The following MAP7 variants were observed in gnomAD, a reference collection of about 807,000 sequenced individuals.
The protein encoded by MAP7 is microtubule associated protein 7.
MAP7 carries 52 observed loss-of-function variants against 94.8 expected under a neutral mutation model. That is an observed-to-expected ratio of 0.55 (90% CI 0.44 to 0.69). MAP7 has a LOEUF of 0.69. Ranked by LOEUF, MAP7 falls within the 30% of genes least tolerant of loss-of-function variation. MAP7 has a pLI of 0.00. For synonymous variants in MAP7, 350 were observed against 357.0 expected (o/e 0.98, Z 0.22); for missense variants, 940 against 964.6 (o/e 0.97, Z 0.34).
At chr6:136,356,840 T>G in intron 15 of MAP7, 46 bp from the exon 16 acceptor site, 2 of 1,473,264 alleles carry the variant, frequency 1.4e-6, no homozygotes, top group East Asian at 2.3e-5. Flanking sequence ...TAATATTCTT[T>G]TCTTAGACCT....
At chr6:136,477,046 G>T (rs977532176) in intron 1 of MAP7, among the ~76,000 whole-genome samples, 3 of 152,186 alleles carry the variant, frequency 2.0e-5, no homozygotes, top group African/African-American at 7.2e-5. Flanking sequence ...AGAAAGAAGA[G>T]AATATTTACA....
intron 1 of MAP7, among the ~76,000 whole-genome samples, chr6:136,528,359 G>T (rs562214600): frequency 2.0e-5 from 3 of 152,144 alleles, no homozygotes; most frequent in African/African-American, 7.2e-5. Context: ...TCTTGAATGA[G>T]ACATGATTTG....
chr6:136,360,720 GCT>G lies in MAP7; in HGVS notation c.1778_1779del (p.Glu593AlafsTer11). 2 of 1,614,138 alleles carry G rather than the reference GCT, an allele frequency of 1.2e-6. No individual in the cohort carries two copies. Among genetic ancestry groups the G allele is most frequent in the Non-Finnish European group, 1.7e-6 (2 of 1,180,016 alleles). On this transcript the variant is annotated frameshift_variant, in exon 13 of 18. Coordinates refer to ENST00000354570, the MANE Select transcript of MAP7 (RefSeq NM_003980.6). LOFTEE classifies it high-confidence loss of function. ...QEREKHFQRE[E>X]QERLERKKRL... ...ACCTTCTTTCTCTCCAGGCGCTCTT[GCT>G]CTTCTCTCTGGAAATGCTTCTCTCG...
chr6:136,546,393 G>T, intron 1 of MAP7, among the ~76,000 whole-genome samples: 2 of 145,524 alleles, frequency 1.4e-5, no homozygotes, highest in African/African-American at 5.2e-5. Flanking sequence ...CTCAGCCTCT[G>T]GTAACCATGC....
intron 1 of MAP7, among the ~76,000 whole-genome samples, chr6:136,452,869 A>G (rs1006237227): frequency 2.0e-5 from 3 of 152,142 alleles, no homozygotes; most frequent in Non-Finnish European, 4.4e-5. Context: ...TGTAATGAAA[A>G]TATGTATGTT....
chr6:136,461,267 C>T (rs1307897234), intron 1 of MAP7, among the ~76,000 whole-genome samples: 2 of 152,212 alleles, frequency 1.3e-5, no homozygotes, highest in African/African-American at 4.8e-5. Flanking sequence ...AAACAAAAAT[C>T]CTGAATGACA....
Position 136,492,709 on chromosome 6 carries a change from C to T in MAP7, c.67+57633G>A, listed in dbSNP as rs139573975. ...GAAAAGTAATGAAAATAAAATTATGCATCTTAACTTAGCTAGATGAACCCA... is the reference window on the plus strand; with the variant it reads ...GAAAAGTAATGAAAATAAAATTATGTATCTTAACTTAGCTAGATGAACCCA... On this transcript the variant is annotated intron_variant, in intron 1 of 17. Coordinates refer to ENST00000354570, the MANE Select transcript of MAP7 (RefSeq NM_003980.6). 9.2e-5 allele frequency among the ~76,000 whole-genome samples: 14 copies of T among 152,190 alleles called. No homozygotes were observed. In the East Asian group the frequency reaches 2.3e-3, roughly 25 times the overall value.
At chr6:136,443,550 A>G (rs1287521273) in intron 1 of MAP7, among the ~76,000 whole-genome samples, 1 of 149,554 alleles carries the variant, frequency 6.7e-6, no homozygotes, top group Non-Finnish European at 1.5e-5. Context: ...TCCCGGATTC[A>G]AGCGATTCTT....
chr6:136,444,313 A>G (rs1798707889), intron 1 of MAP7, among the ~76,000 whole-genome samples: 1 of 152,196 alleles, frequency 6.6e-6, no homozygotes, highest in Non-Finnish European at 1.5e-5. Context: ...GCACTTTGAA[A>G]CAAGCATCAT....
chr6:136,520,216 A>AAGG (rs1554271268), intron 1 of MAP7, among the ~76,000 whole-genome samples: 1 of 147,584 alleles, frequency 6.8e-6, no homozygotes, highest in African/African-American at 2.6e-5. Flanking sequence ...AAAAAAAAAA[A>AAGG]GGGGGGAGGA....
At chr6:136,462,976 CA>C (rs1805758109) in intron 1 of MAP7, among the ~76,000 whole-genome samples, 2 of 139,968 alleles carry the variant, frequency 1.4e-5, no homozygotes, top group East Asian at 4.2e-4. Context: ...AAAAAGAAAA[CA>C]AAAAACCCTT....
At chr6:136,344,513 G>A (rs530645821) in intron 17 of MAP7, among the ~76,000 whole-genome samples, 2 of 152,226 alleles carry the variant, frequency 1.3e-5, no homozygotes, top group Admixed American at 1.3e-4. Flanking sequence ...TCGGTTAGGG[G>A]TTTAAACATT....
At chr6:136,411,324 A>G (rs980565208) in intron 3 of MAP7, among the ~76,000 whole-genome samples, 1 of 152,184 alleles carries the variant, frequency 6.6e-6, no homozygotes, top group Non-Finnish European at 1.5e-5. Flanking sequence ...AAAAAGAACA[A>G]TATGTTTACT....
At chr6:136,408,552 A>G (rs563813837) in intron 3 of MAP7, among the ~76,000 whole-genome samples, 4 of 152,250 alleles carry the variant, frequency 2.6e-5, no homozygotes, top group Admixed American at 2.6e-4. Context: ...TTTCAATGTT[A>G]TTTTCAACCT....
At chr6:136,344,624 G>A (rs142024271) in intron 17 of MAP7, among the ~76,000 whole-genome samples, 140 of 152,272 alleles carry the variant, frequency 9.2e-4, no homozygotes, top group African/African-American at 3.2e-3. Flanking sequence ...TTCCCTTCCT[G>A]TAAATCTGTA....
chr6:136,496,611 T>C (rs1415976852), intron 1 of MAP7, among the ~76,000 whole-genome samples: 1 of 151,624 alleles, frequency 6.6e-6, no homozygotes, highest in Non-Finnish European at 1.5e-5. Flanking sequence ...ACAGAAACAA[T>C]ATTACATATG....
intron 1 of MAP7, among the ~76,000 whole-genome samples, chr6:136,545,750 T>TACAGGCGTGAGCCACCGCGCCCGGCC (rs1829685573): frequency 6.9e-6 from 1 of 143,946 alleles, no homozygotes; most frequent in Admixed American, 6.9e-5. Context: ...TTTTTTAAAT[T>TACAGGCGTGAGCCACCGCGCCCGGCC]AAAACAAATT....
intron 1 of MAP7, among the ~76,000 whole-genome samples, chr6:136,527,063 T>G (rs1054354153): frequency 3.5e-4 from 53 of 152,200 alleles, no homozygotes; most frequent in African/African-American, 1.1e-3. Flanking sequence ...AAAACCTGTC[T>G]CTATTACACC....
intron 2 of MAP7, among the ~76,000 whole-genome samples, chr6:136,412,331 G>A (rs1218844175): frequency 6.6e-6 from 1 of 152,002 alleles, no homozygotes; most frequent in Non-Finnish European, 1.5e-5. Context: ...TCTGTATACT[G>A]AAAAGACAGC....
Sources: allele counts gnomAD v4.1 joint callset (sites outside exome capture counted in the v4.1 genomes callset), GRCh38; gene constraint gnomAD v4.1.1; transcripts MANE v1.5; gene names NCBI Gene and HGNC (gene_info 2026-07-23, HGNC 2026-07-21).